Variants in NSL1 observed in about 807,000 individuals in gnomAD.
The protein encoded by NSL1 is kinetochore-associated protein NSL1 homolog.
NSL1 carries 11 observed loss-of-function variants against 25.4 expected under a neutral mutation model. The ratio of observed to expected loss-of-function variants is 0.43; its 90% CI spans 0.27 to 0.72. NSL1 has a LOEUF of 0.72. NSL1 is among the 30% of genes least tolerant of loss of function. NSL1 has a pLI of 0.19. For synonymous variants in NSL1, 118 were observed against 120.6 expected (o/e 0.98, Z 0.14); for missense variants, 330 against 342.7 (o/e 0.96, Z 0.29).
Position 212,784,513 on chromosome 1 carries a change from G to A in NSL1, c.314-20C>T. The A allele has an allele frequency of 2.1e-6, 3 of 1,446,300 alleles. No individual in the cohort carries two copies. Among genetic ancestry groups the A allele is most frequent in the Non-Finnish European group, 2.8e-6 (3 of 1,063,234 alleles). The allele number at this position is 1,446,300 out of a possible 1,614,324, so 89.6% of individuals were successfully genotyped here. ...CAGAATCTATTTGAGAAAAAAAAATGTATATATAAAAAGTTCCCTAAAACT... is the reference window on the plus strand; with the variant it reads ...CAGAATCTATTTGAGAAAAAAAAATATATATATAAAAAGTTCCCTAAAACT... On this transcript the variant is annotated intron_variant, in intron 2 of 5. Coordinates refer to ENST00000366977, the MANE Select transcript of NSL1 (RefSeq NM_015471.4).
At position 212,731,512 on chromosome 1, in the gene NSL1, C is replaced by T; in HGVS notation, c.*6896G>A. The stretch of plus-strand genomic sequence containing the variant: ...TCTAGGGGATGATTTGTCTCTTAAA[C>T]CAAATTTATTTTCCCTTAATTACTA... On this transcript the variant is annotated 3_prime_UTR_variant, in exon 6 of 6. Transcript: ENST00000366977. 1 of 985,360 alleles carries T rather than the reference C, an allele frequency of 1.0e-6. No individual in the cohort carries two copies. The highest frequency in any genetic ancestry group is 1.2e-6 in the Non-Finnish European group (1 of 829,902). 61.0% of individuals were successfully genotyped at this position (985,360 alleles called of 1,614,324 possible). A position where few individuals can be genotyped will look rare whatever the true frequency, so the allele number is the denominator to read the frequency against.
In NSL1 at chr1:212,738,173, C is replaced by G; in HGVS notation, c.*235G>C. 8.1e-7 allele frequency: 1 copy of G among 1,227,586 alleles called. No homozygotes were observed. Among genetic ancestry groups the G allele is most frequent in the Non-Finnish European group, 1.0e-6 (1 of 983,340 alleles). The allele number at this position is 1,227,586 out of a possible 1,614,324, so 76.0% of individuals were successfully genotyped here. ...GCACTTTTAATATTTTTAATGCCCA[C>G]TGATGGGCTTTGTGTCAATACTTTT... On this transcript the variant is annotated 3_prime_UTR_variant, in exon 6 of 6. Coordinates refer to ENST00000366977, the MANE Select transcript of NSL1 (RefSeq NM_015471.4).
At chr1:212,780,193 T>G (rs1273456237) in intron 4 of NSL1, among the ~76,000 whole-genome samples, 2 of 151,874 alleles carry the variant, frequency 1.3e-5, no homozygotes, top group Non-Finnish European at 2.9e-5. Context: ...CCTGTTGATC[T>G]GTGACCTTAC....
At chr1:212,740,609 T>C (rs1658460687) in intron 4 of NSL1, among the ~76,000 whole-genome samples, 1 of 152,142 alleles carries the variant, frequency 6.6e-6, no homozygotes, top group South Asian at 2.1e-4. Context: ...GTATAGACAG[T>C]AAGTTCAGCA....
At chr1:212,767,420 CAAG>C (rs1240078302) in intron 4 of NSL1, among the ~76,000 whole-genome samples, 1 of 152,176 alleles carries the variant, frequency 6.6e-6, no homozygotes, top group Non-Finnish European at 1.5e-5. Flanking sequence ...AAAATCGACT[CAAG>C]ATCGATCAAA....
In NSL1 at chr1:212,729,145, C is replaced by T. The variant is rs1448946041; in HGVS notation, c.*9263G>A. ...AGTGTTCCATCGTAGTTTCTAAAAC[C>T]AGACAAAATCATTTCTTGCAAGCAG... On this transcript the variant is annotated 3_prime_UTR_variant, in exon 6 of 6. Coordinates refer to ENST00000366977, the MANE Select transcript of NSL1 (RefSeq NM_015471.4). 7.1e-6 allele frequency: 7 copies of T among 985,246 alleles called. No individual in the cohort carries two copies. The African/African-American group carries it at 8.7e-5, about 12-fold the overall frequency. The allele number at this position is 985,246 out of a possible 1,614,324, so 61.0% of individuals were successfully genotyped here.
At position 212,729,819 on chromosome 1, in the gene NSL1, T is replaced by C. The variant is rs894142998; in HGVS notation, c.*8589A>G. The C allele has an allele frequency of 9.1e-6, 9 of 985,146 alleles. No individual in the cohort carries two copies. In the South Asian group the frequency reaches 3.8e-4, roughly 41 times the overall value. 61.0% of individuals were successfully genotyped at this position (985,146 alleles called of 1,614,324 possible). A position where few individuals can be genotyped will look rare whatever the true frequency, so the allele number is the denominator to read the frequency against. On this transcript the variant is annotated 3_prime_UTR_variant, in exon 6 of 6. Transcript: ENST00000366977. Reference sequence around the variant, plus strand: ...CTAGAACATGGAAAAAGCAATGTAATCAGCTGGTGCTGCAAAGGGCAGTGA... The same window carrying C: ...CTAGAACATGGAAAAAGCAATGTAACCAGCTGGTGCTGCAAAGGGCAGTGA...
At chr1:212,742,278 T>A (rs1448076771) in intron 4 of NSL1, among the ~76,000 whole-genome samples, 3 of 152,196 alleles carry the variant, frequency 2.0e-5, no homozygotes, top group African/African-American at 7.2e-5. Context: ...TAAGAAAATT[T>A]ACATTTGAAG....
intron 3 of NSL1, among the ~76,000 whole-genome samples, chr1:212,783,684 G>C (rs1448012027): frequency 6.6e-6 from 1 of 152,140 alleles, no homozygotes; most frequent in Non-Finnish European, 1.5e-5. Context: ...GGGAAGATTT[G>C]GGTCCAATTT....
At chr1:212,739,814 T>C (rs1307064437) in intron 4 of NSL1, among the ~76,000 whole-genome samples, 2 of 152,218 alleles carry the variant, frequency 1.3e-5, no homozygotes, top group African/African-American at 4.8e-5. Context: ...AAAATTCTAT[T>C]ACGAGTAGTC....
In NSL1 at chr1:212,731,035, CT is replaced by C; in HGVS notation, c.*7372del. The C allele has an allele frequency of 1.0e-6, 1 of 985,364 alleles. No individual in the cohort carries two copies. The highest frequency in any genetic ancestry group is 1.2e-6 in the Non-Finnish European group (1 of 829,920). The allele number at this position is 985,364 out of a possible 1,614,324, so 61.0% of individuals were successfully genotyped here. ...ACGAATTACAAGGGATTCTTTACCCCTGAAGCTTCAAATGAATATAACATTA... is the reference window on the plus strand; with the variant it reads ...ACGAATTACAAGGGATTCTTTACCCCGAAGCTTCAAATGAATATAACATTA... On this transcript the variant is annotated 3_prime_UTR_variant, in exon 6 of 6. Transcript: ENST00000366977.
intron 2 of NSL1, 21 bp downstream of exon 2, chr1:212,787,538 T>C (rs780697337): frequency 1.8e-5 from 28 of 1,549,288 alleles, no homozygotes; most frequent in Non-Finnish European, 2.4e-5. Flanking sequence ...AAATTAATAA[T>C]GGAAGGAAAA....
At chr1:212,749,339 G>GTTTTTTTTTTTTTTTTTT (rs10717383) in intron 4 of NSL1, among the ~76,000 whole-genome samples, 15 of 76,946 alleles carry the variant, frequency 1.9e-4, no homozygotes, top group South Asian at 5.1e-4. Context: ...GTTTTATTGT[G>GTTTTTTTTTTTTTTTTTT]TTTTTTTTTT....
At chr1:212,778,929 G>A (rs1321365635) in intron 4 of NSL1, among the ~76,000 whole-genome samples, 1 of 149,272 alleles carries the variant, frequency 6.7e-6, no homozygotes, top group Non-Finnish European at 1.5e-5. Flanking sequence ...TCTCTGCCCA[G>A]CCGCCATCCC....
At position 212,738,260 on chromosome 1, in the gene NSL1, C is replaced by T; in HGVS notation, c.*148G>A. 1 of 1,414,368 alleles carries T rather than the reference C, an allele frequency of 7.1e-7. No individual in the cohort carries two copies. The highest frequency in any genetic ancestry group is 1.4e-5 in the African/African-American group (1 of 69,342). 87.6% of individuals were successfully genotyped at this position (1,414,368 alleles called of 1,614,324 possible). The stretch of plus-strand genomic sequence containing the variant: ...GGAAATACAATATTATATCATATCC[C>T]CGCACAGAGATACTATATCTGTATA... On this transcript the variant is annotated 3_prime_UTR_variant, in exon 6 of 6. Transcript: ENST00000366977.
At position 212,726,464 on chromosome 1, in the gene NSL1, G is replaced by T. The variant is rs1346709346; in HGVS notation, c.*11944C>A. 1 of 152,264 alleles carries T rather than the reference G, an allele frequency of 6.6e-6. No homozygotes were observed. Among genetic ancestry groups the T allele is most frequent in the Non-Finnish European group, 1.5e-5 (1 of 68,108 alleles). 9.4% of individuals were successfully genotyped at this position (152,264 alleles called of 1,614,324 possible). A position where few individuals can be genotyped will look rare whatever the true frequency, so the allele number is the denominator to read the frequency against. On this transcript the variant is annotated 3_prime_UTR_variant, in exon 6 of 6. Coordinates refer to ENST00000366977, the MANE Select transcript of NSL1 (RefSeq NM_015471.4). Reference sequence around the variant, plus strand: ...GATTTCCCTGCTGTTTATCAAGATGGCATATGGGTGTAGGGAGAAGAAGAG... The same window carrying T: ...GATTTCCCTGCTGTTTATCAAGATGTCATATGGGTGTAGGGAGAAGAAGAG...
At chr1:212,739,631 G>A (rs1658408089) in intron 4 of NSL1, 30 bp from the exon 5 acceptor site, 1 of 1,605,564 alleles carries the variant, frequency 6.2e-7, no homozygotes, top group Admixed American at 1.7e-5. Flanking sequence ...CAGTATTTTA[G>A]GTTTTTATCT....
intron 4 of NSL1, chr1:212,763,946 C>T: frequency 2.7e-6 from 1 of 365,996 alleles, no homozygotes; most frequent in Non-Finnish European, 5.4e-6. Flanking sequence ...GGTGTTTACA[C>T]AACATTCTTC....
chr1:212,765,728 C>T (rs112491625), intron 4 of NSL1, among the ~76,000 whole-genome samples: 3,734 of 152,054 alleles, frequency 0.025, 131 homozygotes, highest in African/African-American at 0.082. Context: ...ATCGCTTGAA[C>T]CTGGAAAGTG....
Sources: gnomAD v4.1 joint callset for allele counts (sites outside exome capture counted in the v4.1 genomes callset) on GRCh38, gnomAD v4.1.1 for gene constraint, MANE v1.5 for transcripts, NCBI Gene and HGNC (gene_info 2026-07-23, HGNC 2026-07-21) for gene names.